The following CDH18 variants were observed in gnomAD, a reference collection of about 807,000 sequenced individuals.
CDH18 encodes the protein cadherin-18.
Under a neutral mutation model 67.9 loss-of-function variants are expected in CDH18, and 31 were observed. The observed-to-expected ratio is 0.46, with a 90% CI of 0.34 to 0.62. The LOEUF is 0.62. CDH18 is among the 20% of genes least tolerant of loss of function. The probability of loss-of-function intolerance (pLI) is 0.01; values close to 1 mark genes in which losing one functional copy is unlikely to be tolerated. For synonymous variants in CDH18, 362 were observed against 347.2 expected (o/e 1.04, Z -0.48); for missense variants, 890 against 975.5 (o/e 0.91, Z 1.17).
intron 3 of CDH18, among the ~76,000 whole-genome samples, chr5:19,827,029 G>A (rs1307976963): frequency 1.3e-5 from 2 of 152,014 alleles, no homozygotes; most frequent in Non-Finnish European, 1.5e-5. Context: ...GTAAGGGGAT[G>A]GAGAAAAATC....
chr5:19,805,171 C>T (rs1288540260), intron 3 of CDH18, among the ~76,000 whole-genome samples: 1 of 152,064 alleles, frequency 6.6e-6, no homozygotes, highest in Non-Finnish European at 1.5e-5. Flanking sequence ...AGTCTCAAAA[C>T]TCCTGGGCTC....
intron 1 of CDH18, among the ~76,000 whole-genome samples, chr5:20,443,458 C>T (rs1386192563): frequency 2.0e-5 from 3 of 151,658 alleles, no homozygotes; most frequent in African/African-American, 4.9e-5. Flanking sequence ...CTCAATCTGA[C>T]CTCATTGTAA....
At chr5:20,282,716 T>C (rs1746379699) in intron 1 of CDH18, among the ~76,000 whole-genome samples, 1 of 152,186 alleles carries the variant, frequency 6.6e-6, no homozygotes, top group Admixed American at 6.6e-5. Flanking sequence ...GGTATCAGGA[T>C]GATGCTGGCC....
At chr5:19,623,934 T>C (rs2150151250) in intron 5 of CDH18, among the ~76,000 whole-genome samples, 1 of 149,870 alleles carries the variant, frequency 6.7e-6, no homozygotes, top group African/African-American at 2.4e-5. Context: ...AAATGATTTA[T>C]TTCTCTTTTA....
At chr5:20,295,657 G>A (rs1334888712) in intron 1 of CDH18, among the ~76,000 whole-genome samples, 1 of 151,560 alleles carries the variant, frequency 6.6e-6, no homozygotes, top group African/African-American at 2.4e-5. Flanking sequence ...AACCCAGGAG[G>A]TGGACGTTGC....
chr5:19,979,033 ATTG>A (rs1157568506), intron 2 of CDH18, among the ~76,000 whole-genome samples: 5 of 152,172 alleles, frequency 3.3e-5, no homozygotes, highest in African/African-American at 1.2e-4. Flanking sequence ...TGTTTGAAGT[ATTG>A]TTGTAACTTC....
chr5:20,486,590 T>G (rs75396008), intron 1 of CDH18, among the ~76,000 whole-genome samples: 4,829 of 151,754 alleles, frequency 0.032, 86 homozygotes, highest in Non-Finnish European at 0.043. Flanking sequence ...GGATCCCTTT[T>G]TTTTGATGAG....
At chr5:19,904,313 C>A (rs991844251) in intron 2 of CDH18, among the ~76,000 whole-genome samples, 2 of 131,678 alleles carry the variant, frequency 1.5e-5, no homozygotes, top group South Asian at 2.6e-4. Context: ...AAAGAAAAAA[C>A]GAAAAGAAAA....
intron 11 of CDH18, among the ~76,000 whole-genome samples, chr5:19,488,836 C>A (rs1439076711): frequency 6.6e-6 from 1 of 152,180 alleles, no homozygotes; most frequent in African/African-American, 2.4e-5. Flanking sequence ...AGGTTTATTT[C>A]TTCGTATTCT....
chr5:19,973,323 C>T (rs1048951021), intron 2 of CDH18, among the ~76,000 whole-genome samples: 1 of 152,032 alleles, frequency 6.6e-6, no homozygotes, highest in Admixed American at 6.6e-5. Flanking sequence ...AAAAGGTAGG[C>T]TTCAGGAATG....
intron 1 of CDH18, among the ~76,000 whole-genome samples, chr5:20,478,988 C>T (rs1438474990): frequency 1.3e-5 from 2 of 152,124 alleles, no homozygotes; most frequent in East Asian, 3.9e-4. Flanking sequence ...CCGGATCTCA[C>T]CCAAGACCAC....
chr5:19,486,525 A>C (rs944188949), intron 11 of CDH18, among the ~76,000 whole-genome samples: 12 of 152,074 alleles, frequency 7.9e-5, no homozygotes, highest in African/African-American at 2.4e-4. Flanking sequence ...GGCGCAGTGG[A>C]TCACACCTGT....
At chr5:19,561,696 G>A (rs1383834463) in intron 8 of CDH18, among the ~76,000 whole-genome samples, 8 of 152,018 alleles carry the variant, frequency 5.3e-5, no homozygotes, top group Non-Finnish European at 1.0e-4. Flanking sequence ...GTAGTTGTAT[G>A]ACTAAATGTG....
chr5:19,611,313 C>A (rs976269411), intron 6 of CDH18, among the ~76,000 whole-genome samples: 3 of 151,834 alleles, frequency 2.0e-5, no homozygotes, highest in African/African-American at 7.3e-5. Flanking sequence ...CACGAACAAG[C>A]ATGCAAAAGT....
intron 4 of CDH18, among the ~76,000 whole-genome samples, chr5:19,727,373 C>G (rs1038488161): frequency 6.6e-6 from 1 of 152,062 alleles, no homozygotes; most frequent in Admixed American, 6.6e-5. Flanking sequence ...TACATATACA[C>G]AGGCATAACA....
At chr5:20,411,184 C>A (rs1159761224) in intron 1 of CDH18, among the ~76,000 whole-genome samples, 3 of 151,900 alleles carry the variant, frequency 2.0e-5, no homozygotes. Flanking sequence ...AGAGATATCA[C>A]ACATCTTGGG....
chr5:19,501,432 G>C (rs1017933046), intron 11 of CDH18, among the ~76,000 whole-genome samples: 2 of 147,786 alleles, frequency 1.4e-5, no homozygotes, highest in Non-Finnish European at 3.0e-5. Context: ...GTGAAACCCT[G>C]TCTCTACTGA....
At chr5:19,748,235 CATTTT>C (rs1379381157) in intron 3 of CDH18, among the ~76,000 whole-genome samples, 13 of 150,070 alleles carry the variant, frequency 8.7e-5, no homozygotes, top group Non-Finnish European at 1.8e-4. Flanking sequence ...AATAGGCTCT[CATTTT>C]AATTAATTGA....
intron 1 of CDH18, among the ~76,000 whole-genome samples, chr5:20,503,279 T>G (rs1350908929): frequency 6.9e-6 from 1 of 144,350 alleles, no homozygotes. Flanking sequence ...ACACAGTGAC[T>G]TTTTTTTAAT....
Sources: gnomAD v4.1 joint callset for allele counts (sites outside exome capture counted in the v4.1 genomes callset) on GRCh38, gnomAD v4.1.1 for gene constraint, MANE v1.5 for transcripts, NCBI Gene and HGNC (gene_info 2026-07-23, HGNC 2026-07-21) for gene names.